ARMCX4: variants seen among roughly 807,000 people sequenced by gnomAD.
ARMCX4 encodes armadillo repeat containing X-linked 4.
ARMCX4 carries 3 observed loss-of-function variants against 34.7 expected under a neutral mutation model. The ratio of observed to expected loss-of-function variants is 0.09; its 90% confidence interval spans 0.04 to 0.22. The LOEUF (loss-of-function observed/expected upper bound fraction) is 0.22, where lower values mean the gene tolerates loss of function less well. ARMCX4 is among the 10% of genes least tolerant of loss of function. The pLI is 1.00. For synonymous variants in ARMCX4, 513 were observed against 632.8 expected (o/e 0.81, Z 2.84); for missense variants, 1,448 against 1,720.8 (o/e 0.84, Z 2.81).
Position 101,492,074 on chromosome X carries a change from G to A in ARMCX4, c.3485G>A (p.Ser1162Asn). The change falls in exon 6 of 6, where the codon AGT becomes AAT. Residue 1162 changes from serine to asparagine, a missense_variant. Transcript: ENST00000423738. ...RSWAVACDET[S>N]VKSWAGARAE... is the part of the protein sequence containing the mutation. ...TGGGCTGTGGCTTGTGATGAGACCA[G>A]TGTTAAGTCCTGGGCTGGGGCCAGG... 8.7e-7 allele frequency: 1 copy of A among 1,153,287 alleles called. No homozygotes were observed. The highest frequency in any genetic ancestry group is 1.8e-5 in the African/African-American group (1 of 56,296).
At chrX:101,503,730 G>A (rs1461170950) in intron 7 of ARMCX4, among the ~76,000 whole-genome samples, 2 of 111,146 alleles carry the variant, frequency 1.8e-5, no homozygotes, top group Admixed American at 9.5e-5. Context: ...CTCCCATTCT[G>A]TAGGTTGCCT....
chrX:101,471,897 C>T (rs781800109), intron 4 of ARMCX4, among the ~76,000 whole-genome samples: 102 of 108,085 alleles, frequency 9.4e-4, no homozygotes, highest in Non-Finnish European at 1.9e-3. Context: ...AAACGCAGAG[C>T]GCCTCTCCTC....
intron 12 of ARMCX4, chrX:101,532,284 T>C (rs1935144551): frequency 9.0e-6 from 1 of 111,645 alleles, no homozygotes; most frequent in Non-Finnish European, 1.9e-5. Flanking sequence ...CCAGTTAACC[T>C]ACTGAAGAAG....
chrX:101,421,732 C>G lies in ARMCX4; in HGVS notation n.164+2732C>G, dbSNP rs375043260. On this transcript the variant is annotated intron_variant and non_coding_transcript_variant, in intron 2 of 3. Transcript: ENST00000430461. The stretch of plus-strand genomic sequence containing the variant: ...GCCAAGAGATAGAGCAAGAGGAGAC[C>G]GATCTTGCCCTTTTATAATGGCATT... Among the ~76,000 whole-genome samples, 16 of 110,117 alleles carry G rather than the reference C, an allele frequency of 1.5e-4. 3 individuals carry two copies. Among genetic ancestry groups the G allele is most frequent in the East Asian group, 1.4e-3 (5 of 3,494 alleles).
At chrX:101,500,957 G>A (rs1397830755) in intron 7 of ARMCX4, among the ~76,000 whole-genome samples, 2 of 112,288 alleles carry the variant, frequency 1.8e-5, no homozygotes, top group African/African-American at 6.5e-5. Context: ...TATGGAGAAT[G>A]GGAGATGAAC....
At chrX:101,484,812 A>C (rs2147655970), upstream of ARMCX4, among the ~76,000 whole-genome samples, 1 of 112,499 alleles carries the variant, frequency 8.9e-6, no homozygotes, top group East Asian at 2.8e-4. Flanking sequence ...TGTAAACAAA[A>C]GAATGAGTCT....
At chrX:101,523,925 A>ACTT (rs1934907851) in intron 11 of ARMCX4, among the ~76,000 whole-genome samples, 1 of 110,674 alleles carries the variant, frequency 9.0e-6, no homozygotes, top group Admixed American at 9.6e-5. Flanking sequence ...GTTTTAAAAA[A>ACTT]TGCCTGCAGG....
chrX:101,454,744 T>C (rs1932182804), intron 4 of ARMCX4, among the ~76,000 whole-genome samples: 1 of 111,658 alleles, frequency 9.0e-6, no homozygotes, highest in African/African-American at 3.3e-5. Context: ...CAATTCGGGC[T>C]GTCATAACAA....
At chrX:101,498,064 G>A (rs1478746364), downstream of ARMCX4, 3 of 310,229 alleles carry the variant, frequency 9.7e-6, no homozygotes, top group Non-Finnish European at 1.9e-5. Context: ...ATTACTGATG[G>A]ATATGGCCTT....
intron 4 of ARMCX4, among the ~76,000 whole-genome samples, chrX:101,457,768 A>G (rs1273030113): frequency 9.1e-6 from 1 of 109,642 alleles, no homozygotes; most frequent in Non-Finnish European, 1.9e-5. Context: ...TTTTAGACGG[A>G]GTCTCACTCT....
intron 11 of ARMCX4, among the ~76,000 whole-genome samples, chrX:101,530,939 C>T (rs1935116239): frequency 8.9e-6 from 1 of 112,069 alleles, no homozygotes; most frequent in Admixed American, 9.5e-5. Flanking sequence ...ACACTAGTTT[C>T]CTACTGCTAT....
chrX:101,517,526 C>T (rs1446950875), intron 11 of ARMCX4, among the ~76,000 whole-genome samples: 1 of 111,034 alleles, frequency 9.0e-6, no homozygotes, highest in African/African-American at 3.3e-5. Flanking sequence ...TTTTGTACTT[C>T]TGCCTCCCAA....
chrX:101,443,395 C>T (rs1555997420), intron 2 of ARMCX4, among the ~76,000 whole-genome samples: 1 of 111,523 alleles, frequency 9.0e-6, no homozygotes, highest in East Asian at 2.8e-4. Context: ...CATCAGACGC[C>T]AATCCTACCA....
intron 2 of ARMCX4, among the ~76,000 whole-genome samples, chrX:101,435,661 G>T (rs1282298181): frequency 9.3e-6 from 1 of 107,430 alleles, no homozygotes; most frequent in Non-Finnish European, 1.9e-5. Flanking sequence ...GATCCCATTT[G>T]TCAATTTTGG....
downstream of ARMCX4, among the ~76,000 whole-genome samples, chrX:101,496,017 A>G (rs1481779651): frequency 9.0e-6 from 1 of 111,203 alleles, no homozygotes; most frequent in East Asian, 2.8e-4. Context: ...TCAAGGATAC[A>G]AAAGGATCAG....
chrX:101,482,203 C>T (rs1191657533), upstream of ARMCX4, among the ~76,000 whole-genome samples: 2 of 110,956 alleles, frequency 1.8e-5, no homozygotes, highest in Non-Finnish European at 3.8e-5. Flanking sequence ...CACTGCACTC[C>T]AGCCTGAGTG....
intron 2 of ARMCX4, among the ~76,000 whole-genome samples, chrX:101,433,029 C>G (rs1253053586): frequency 1.2e-5 from 1 of 80,391 alleles, no homozygotes; most frequent in Non-Finnish European, 2.7e-5. Context: ...TGTATACATA[C>G]ACGTGTATAT....
intron 4 of ARMCX4, among the ~76,000 whole-genome samples, chrX:101,471,649 C>T (rs1450006346): frequency 9.0e-6 from 1 of 111,581 alleles, no homozygotes; most frequent in Non-Finnish European, 1.9e-5. Flanking sequence ...GTCCCTGACC[C>T]CTGACCCTGG....
At chrX:101,526,686 A>C (rs1934983545) in intron 11 of ARMCX4, among the ~76,000 whole-genome samples, 1 of 111,992 alleles carries the variant, frequency 8.9e-6, no homozygotes, top group East Asian at 2.8e-4. Context: ...TTGCAATCCT[A>C]GTCTCTGATA....
Sources: gnomAD v4.1 joint callset for allele counts (sites outside exome capture counted in the v4.1 genomes callset) on GRCh38, gnomAD v4.1.1 for gene constraint, MANE v1.5 for transcripts, NCBI Gene and HGNC (gene_info 2026-07-23, HGNC 2026-07-21) for gene names.